EXO1: variants seen among roughly 807,000 people sequenced by gnomAD.
The protein encoded by EXO1 is exonuclease 1.
In EXO1, 69 loss-of-function variants were observed where a neutral mutation model predicts 84.5. The ratio of observed to expected loss-of-function variants is 0.82; its 90% confidence interval spans 0.67 to 1.00. The LOEUF (loss-of-function observed/expected upper bound fraction) is 1.00. Among genes scored for constraint, EXO1 ranks in the 50% least tolerant of loss-of-function variants. The pLI is 0.00. For synonymous variants in EXO1, 373 were observed against 366.1 expected, an observed-to-expected ratio of 1.02 and a Z score of -0.21; for missense variants, 1,045 against 1,000.7, an observed-to-expected ratio of 1.04 and a Z score of -0.60.
intron 4 of EXO1, among the ~76,000 whole-genome samples, chr1:241,851,792 G>A (rs1429147990): frequency 1.3e-5 from 2 of 152,088 alleles, no homozygotes; most frequent in Non-Finnish European, 2.9e-5. Context: ...CATTTACCAG[G>A]ACACCACTGA....
At chr1:241,885,068 G>A (rs4149998) in intron 14 of EXO1, among the ~76,000 whole-genome samples, 7 of 152,040 alleles carry the variant, frequency 4.6e-5, no homozygotes, top group South Asian at 2.1e-4. Flanking sequence ...TTAGCGAGGC[G>A]TGGTGGCGGG....
intron 15 of EXO1, among the ~76,000 whole-genome samples, chr1:241,888,237 G>A (rs997718735): frequency 6.6e-6 from 1 of 152,020 alleles, no homozygotes; most frequent in Admixed American, 6.6e-5. Context: ...ACGAGACCTT[G>A]TCTCAAAAAA....
chr1:241,860,264 A>C (rs1362194243), intron 8 of EXO1, among the ~76,000 whole-genome samples: 1 of 150,190 alleles, frequency 6.7e-6, no homozygotes, highest in Admixed American at 6.7e-5. Flanking sequence ...CTAGAAGCAC[A>C]AACTTGATGT....
At chr1:241,877,831 T>C (rs143865524) in intron 12 of EXO1, among the ~76,000 whole-genome samples, 1 of 152,264 alleles carries the variant, frequency 6.6e-6, no homozygotes, top group Non-Finnish European at 1.5e-5. Flanking sequence ...AGTATAGAAG[T>C]TTATAGGGTA....
intron 10 of EXO1, among the ~76,000 whole-genome samples, chr1:241,863,137 A>G (rs1258972130): frequency 6.6e-6 from 1 of 152,186 alleles, no homozygotes; most frequent in Non-Finnish European, 1.5e-5. Context: ...ACATTTTCTG[A>G]GCATTTGCTA....
rs1387064770 is a variant in EXO1, at chr1:241,860,698, C to T, written c.938C>T (p.Ala313Val). The T allele has an allele frequency of 6.2e-7, 1 of 1,611,642 alleles. No homozygotes were observed. The highest frequency in any genetic ancestry group is 2.2e-5 in the East Asian group (1 of 44,856). Residue 313 changes from alanine (A) to valine (V), a missense_variant, in exon 9 of 16, where the codon GCT becomes GTT. By Grantham distance (64) the Ala-to-Val change is moderately conservative. Coordinates refer to ENST00000366548, the MANE Select transcript of EXO1 (RefSeq NM_130398.4). The stretch of plus-strand genomic sequence containing the variant: ...GTTGATCCTGAAACACTAAGCTACG[C>T]TGGGCAGTATCCTTTCTGAAACAGA... ...DDVDPETLSY[A>V]GQYVDDSIAL...
chr1:241,878,593 A>G (rs954463516), intron 12 of EXO1, among the ~76,000 whole-genome samples, 156 bp from the exon 13 acceptor site: 1 of 152,002 alleles, frequency 6.6e-6, no homozygotes. Flanking sequence ...TTGAATTTTG[A>G]CTAAAATTTA....
Position 241,872,089 on chromosome 1 carries a change from C to A in EXO1, c.1325C>A (p.Thr442Asn), listed in dbSNP as rs1350551793. Residue 442 changes from threonine to asparagine, a missense_variant, in exon 12 of 16, where the codon ACC (threonine) becomes AAC (asparagine). Physicochemically the swap from Thr to Asn is moderately conservative, Grantham distance 65. Transcript: ENST00000366548. ...SQYSLSFTKK[T>N]KKNSSEGNKS... ...TATTCTCTTTCATTTACGAAGAAGA[C>A]CAAGAAAAATAGCTCTGAAGGCAAT... 5 of 1,613,456 alleles carry A rather than the reference C, an allele frequency of 3.1e-6. No individual in the cohort carries two copies. The highest frequency in any genetic ancestry group is 4.2e-6 in the Non-Finnish European group (5 of 1,179,638).
intron 10 of EXO1, among the ~76,000 whole-genome samples, chr1:241,864,493 G>T (rs1472495117): frequency 6.6e-6 from 1 of 152,222 alleles, no homozygotes; most frequent in East Asian, 1.9e-4. Flanking sequence ...AATTGTTCTG[G>T]TTCTGAAGGC....
At chr1:241,878,633 A>T in intron 12 of EXO1, 116 bp from the exon 13 acceptor site, 1 of 677,670 alleles carries the variant, frequency 1.5e-6, no homozygotes, top group Non-Finnish European at 2.5e-6. Flanking sequence ...GAAATTATAT[A>T]TTTATGAGAC....
intron 8 of EXO1, among the ~76,000 whole-genome samples, chr1:241,860,008 C>T (rs1661283051): frequency 6.6e-6 from 1 of 152,172 alleles, no homozygotes. Context: ...GCCTGTGACT[C>T]CAGGATCCGT....
chr1:241,861,661 A>G (rs892380667), intron 10 of EXO1, among the ~76,000 whole-genome samples, 159 bp downstream of exon 10: 12 of 152,192 alleles, frequency 7.9e-5, no homozygotes, highest in African/African-American at 2.7e-4. Flanking sequence ...GAGAAATTAC[A>G]TGTATTAGAG....
chr1:241,875,607 G>A (rs1265711353), intron 12 of EXO1, among the ~76,000 whole-genome samples: 1 of 152,214 alleles, frequency 6.6e-6, no homozygotes, highest in African/African-American at 2.4e-5. Context: ...GGCCGGCCGT[G>A]GTGGTTCATG....
intron 4 of EXO1, among the ~76,000 whole-genome samples, chr1:241,851,651 T>C (rs1348401212): frequency 6.6e-6 from 1 of 152,196 alleles, no homozygotes; most frequent in Non-Finnish European, 1.5e-5. Context: ...AGCCAATTCA[T>C]ATGAGCTCTT....
chr1:241,880,746 G>C (rs1466692885), intron 13 of EXO1, among the ~76,000 whole-genome samples: 1 of 152,176 alleles, frequency 6.6e-6, no homozygotes, highest in Non-Finnish European at 1.5e-5. Flanking sequence ...GCATCATTTT[G>C]AATATCAGTT....
At position 241,853,441 on chromosome 1, in the gene EXO1, C is replaced by T; in HGVS notation, c.365C>T (p.Ser122Phe). 1.9e-6 allele frequency: 3 copies of T among 1,613,994 alleles called. No homozygotes were observed. Among genetic ancestry groups the T allele is most frequent in the Non-Finnish European group, 2.5e-6 (3 of 1,179,938 alleles). The change falls in exon 6 of 16, where the codon TCT (serine) becomes TTT (phenylalanine). Residue 122 changes from serine (S) to phenylalanine (F), a missense_variant. Physicochemically the swap from Ser to Phe is radical, Grantham distance 155. Transcript: ENST00000366548. Reference protein sequence around the residue: ...VSEARECFTRSINITHAMAHK... With the variant: ...VSEARECFTRFINITHAMAHK... ...GAAGCTCGAGAGTGTTTCACCCGGT[C>T]TATCAATATCACACATGCCATGGCC...
intron 14 of EXO1, among the ~76,000 whole-genome samples, chr1:241,884,674 T>TGTGTGTGTGTGTGTGCAC (rs67560872): frequency 1.1e-4 from 17 of 149,582 alleles, no homozygotes; most frequent in African/African-American, 4.2e-4. Context: ...TGTGTGTGTG[T>TGTGTGTGTGTGTGTGCAC]GTGCACGTGC....
At chr1:241,882,634 T>G (rs1662840289) in intron 14 of EXO1, among the ~76,000 whole-genome samples, 1 of 152,146 alleles carries the variant, frequency 6.6e-6, no homozygotes, top group Admixed American at 6.5e-5. Flanking sequence ...ATTTCCTAAC[T>G]TAAAAGATGG....
chr1:241,861,926 A>G (rs1193401160), intron 10 of EXO1, among the ~76,000 whole-genome samples: 1 of 127,990 alleles, frequency 7.8e-6, no homozygotes, highest in African/African-American at 3.3e-5. Context: ...TCTTTAAACA[A>G]TTTGCTGTTT....
Sources: allele counts gnomAD v4.1 joint callset (sites outside exome capture counted in the v4.1 genomes callset), GRCh38; gene constraint gnomAD v4.1.1; transcripts MANE v1.5; gene names NCBI Gene and HGNC (gene_info 2026-07-23, HGNC 2026-07-21).